Variants in GRID2 observed in about 807,000 individuals in gnomAD.
GRID2 encodes the protein glutamate ionotropic receptor delta type subunit 2.
Under a neutral mutation model 114.8 loss-of-function variants are expected in GRID2, and 33 were observed. The ratio of observed to expected loss-of-function variants is 0.29; its 90% CI spans 0.22 to 0.38. The LOEUF is 0.38. GRID2 is among the 10% of genes least tolerant of loss of function. The pLI is 1.00. For missense variants in GRID2, 1,184 were observed against 1,257.7 expected, an observed-to-expected ratio of 0.94 and a Z score of 0.89; for synonymous variants, 505 against 449.9, an observed-to-expected ratio of 1.12 and a Z score of -1.55.
intron 2 of GRID2, among the ~76,000 whole-genome samples, chr4:93,056,974 A>G (rs1727304750): frequency 6.6e-6 from 1 of 152,014 alleles, no homozygotes; most frequent in African/African-American, 2.4e-5. Flanking sequence ...AATATTCTGG[A>G]CAGAATTTTA....
chr4:93,049,459 A>G (rs2149278565), intron 2 of GRID2, among the ~76,000 whole-genome samples: 1 of 151,896 alleles, frequency 6.6e-6, no homozygotes, highest in East Asian at 1.9e-4. Context: ...ATATTATTTC[A>G]TTGATTTGAA....
At chr4:92,576,569 T>C (rs1201260587) in intron 1 of GRID2, among the ~76,000 whole-genome samples, 1 of 152,154 alleles carries the variant, frequency 6.6e-6, no homozygotes, top group East Asian at 1.9e-4. Flanking sequence ...GCAGACAACC[T>C]TGCCAGGGTT....
intron 2 of GRID2, among the ~76,000 whole-genome samples, chr4:92,800,271 C>A (rs756262199): frequency 6.7e-6 from 1 of 150,206 alleles, no homozygotes; most frequent in African/African-American, 2.5e-5. Flanking sequence ...ATGTCAGTAA[C>A]AAAGACAACA....
At chr4:93,047,026 A>T (rs1036940933) in intron 2 of GRID2, among the ~76,000 whole-genome samples, 1 of 151,950 alleles carries the variant, frequency 6.6e-6, no homozygotes, top group Non-Finnish European at 1.5e-5. Flanking sequence ...TGATAATGTG[A>T]TGTGATGAAA....
chr4:93,625,638 G>A (rs1006089067), intron 13 of GRID2, among the ~76,000 whole-genome samples: 16 of 152,210 alleles, frequency 1.1e-4, no homozygotes, highest in Non-Finnish European at 1.6e-4. Flanking sequence ...ACAGTGGGCC[G>A]GGCGCGGTGG....
intron 2 of GRID2, among the ~76,000 whole-genome samples, chr4:92,980,676 A>G (rs1754136556): frequency 6.6e-6 from 1 of 152,052 alleles, no homozygotes; most frequent in Non-Finnish European, 1.5e-5. Flanking sequence ...GCAAATGTCA[A>G]ACTCCTAGAA....
At chr4:93,244,912 G>A (rs1176456388) in intron 8 of GRID2, among the ~76,000 whole-genome samples, 1 of 151,622 alleles carries the variant, frequency 6.6e-6, no homozygotes, top group Non-Finnish European at 1.5e-5. Context: ...TATTATATCA[G>A]TCTTTGTAAT....
intron 8 of GRID2, among the ~76,000 whole-genome samples, chr4:93,392,001 T>C (rs961290374): frequency 2.6e-5 from 4 of 152,130 alleles, no homozygotes; most frequent in African/African-American, 9.7e-5. Context: ...AAAATCAATA[T>C]ACTGTAATTG....
chr4:93,478,259 G>A (rs1725507526), intron 11 of GRID2, among the ~76,000 whole-genome samples: 1 of 152,080 alleles, frequency 6.6e-6, no homozygotes, highest in South Asian at 2.1e-4. Flanking sequence ...TAAAAGTTAA[G>A]TTAAAATCAG....
intron 2 of GRID2, among the ~76,000 whole-genome samples, chr4:92,805,632 T>C (rs935920067): frequency 6.6e-6 from 1 of 151,922 alleles, no homozygotes; most frequent in Non-Finnish European, 1.5e-5. Context: ...TATTATACGG[T>C]GTTTAAAGGA....
intron 7 of GRID2, among the ~76,000 whole-genome samples, chr4:93,228,005 G>A (rs1745696806): frequency 6.6e-6 from 1 of 152,126 alleles, no homozygotes; most frequent in Non-Finnish European, 1.5e-5. Flanking sequence ...TCTATTCACA[G>A]CAGTACAGTT....
At chr4:93,408,463 A>C in intron 9 of GRID2, among the ~76,000 whole-genome samples, 1 of 152,064 alleles carries the variant, frequency 6.6e-6, no homozygotes, top group East Asian at 1.9e-4. Context: ...GGCTGATTTT[A>C]GGTCAAGCTT....
chr4:92,939,478 T>C lies in GRID2; in HGVS notation c.245-145517T>C, dbSNP rs564137483. Reference sequence around the variant, plus strand: ...TTCTGGATATTAGCCCTTTGTCAGATGAGTAGATTGCAAAAATTTTCTCCC... The same window carrying C: ...TTCTGGATATTAGCCCTTTGTCAGACGAGTAGATTGCAAAAATTTTCTCCC... On this transcript the variant is annotated intron_variant, in intron 2 of 15. Transcript: ENST00000282020. Among the ~76,000 whole-genome samples the C allele has an allele frequency of 1.4e-3, 209 of 147,410 alleles. 17 individuals carry two copies. The highest frequency in any genetic ancestry group is 2.6e-3 in the Non-Finnish European group (171 of 66,512).
chr4:92,963,910 A>T (rs1752974154), intron 2 of GRID2, among the ~76,000 whole-genome samples: 1 of 152,032 alleles, frequency 6.6e-6, no homozygotes, highest in South Asian at 2.1e-4. Context: ...CACAGGCATA[A>T]AATCAATATT....
At chr4:92,446,434 T>G (rs974664375) in intron 1 of GRID2, among the ~76,000 whole-genome samples, 2 of 152,086 alleles carry the variant, frequency 1.3e-5, no homozygotes, top group African/African-American at 4.8e-5. Context: ...AAGTGTTAAG[T>G]GTATCTTTAT....
At chr4:93,007,869 CATCTCTACTAAAAAT>C (rs960378711) in intron 2 of GRID2, among the ~76,000 whole-genome samples, 1 of 151,576 alleles carries the variant, frequency 6.6e-6, no homozygotes, top group Non-Finnish European at 1.5e-5. Context: ...GGTGAAACCC[CATCTCTACTAAAAAT>C]ACAAAAATTA....
At chr4:93,715,280 A>G (rs969232270) in intron 14 of GRID2, among the ~76,000 whole-genome samples, 2 of 152,044 alleles carry the variant, frequency 1.3e-5, no homozygotes, top group African/African-American at 2.4e-5. Context: ...ATTTTGTTCC[A>G]TCGGTCTATG....
intron 14 of GRID2, among the ~76,000 whole-genome samples, chr4:93,701,419 T>C (rs1727497597): frequency 6.6e-6 from 1 of 152,164 alleles, no homozygotes; most frequent in Non-Finnish European, 1.5e-5. Context: ...TAAAGTTTTC[T>C]AAGCTGATTA....
intron 13 of GRID2, among the ~76,000 whole-genome samples, chr4:93,580,375 G>C (rs1736856126): frequency 6.6e-6 from 1 of 152,158 alleles, no homozygotes; most frequent in African/African-American, 2.4e-5. Context: ...CTGATGTGTT[G>C]ATGCAATAGC....
Sources: gnomAD v4.1 joint callset for allele counts (sites outside exome capture counted in the v4.1 genomes callset) on GRCh38, gnomAD v4.1.1 for gene constraint, MANE v1.5 for transcripts, NCBI Gene and HGNC (gene_info 2026-07-23, HGNC 2026-07-21) for gene names.